The following EXOC4 variants were observed in gnomAD, a reference collection of about 807,000 sequenced individuals.
EXOC4 encodes SEC8-like 1.
Under a neutral mutation model 107.2 loss-of-function variants are expected in EXOC4, and 71 were observed. The observed-to-expected ratio is 0.66, with a 90% CI of 0.55 to 0.81. The LOEUF (loss-of-function observed/expected upper bound fraction) is 0.81. Ranked by LOEUF, EXOC4 falls within the 30% of genes least tolerant of loss-of-function variation. The pLI is 0.00. For synonymous variants in EXOC4, 456 were observed against 441.2 expected, an observed-to-expected ratio of 1.03 and a Z score of -0.42; for missense variants, 1,108 against 1,189.6, an observed-to-expected ratio of 0.93 and a Z score of 1.01.
At chr7:133,789,245 T>C (rs1796654026) in intron 10 of EXOC4, among the ~76,000 whole-genome samples, 1 of 152,208 alleles carries the variant, frequency 6.6e-6, no homozygotes, top group Admixed American at 6.5e-5. Context: ...TCCGGAAATG[T>C]GATGAAAGCC....
intron 13 of EXOC4, among the ~76,000 whole-genome samples, chr7:133,929,477 GA>G (rs10714515): frequency 0.62 from 93,762 of 150,484 alleles, 31,418 homozygotes; most frequent in African/African-American, 0.89. Context: ...TTCTATCCCA[GA>G]AAAAAAAAAT....
At chr7:133,732,303 G>A (rs909046728) in intron 10 of EXOC4, among the ~76,000 whole-genome samples, 1 of 152,158 alleles carries the variant, frequency 6.6e-6, no homozygotes, top group African/African-American at 2.4e-5. Flanking sequence ...GAGGGAGGGA[G>A]AGCATCAGGA....
chr7:133,684,796 G>C (rs893592747), intron 10 of EXOC4, among the ~76,000 whole-genome samples: 1 of 152,178 alleles, frequency 6.6e-6, no homozygotes, highest in Non-Finnish European at 1.5e-5. Flanking sequence ...TGGGGCATTT[G>C]TCAGCCTCAG....
chr7:133,861,912 T>G (rs547126987), intron 11 of EXOC4, among the ~76,000 whole-genome samples: 3 of 152,126 alleles, frequency 2.0e-5, no homozygotes, highest in African/African-American at 7.2e-5. Context: ...AAACACTGGT[T>G]TAGAGGACAG....
At chr7:133,487,118 A>G (rs933996177) in intron 9 of EXOC4, among the ~76,000 whole-genome samples, 3 of 152,186 alleles carry the variant, frequency 2.0e-5, no homozygotes, top group Admixed American at 1.3e-4. Flanking sequence ...CAAACCATGC[A>G]TAGCTGAACC....
At chr7:133,306,864 A>C (rs1794764717) in intron 4 of EXOC4, among the ~76,000 whole-genome samples, 1 of 152,214 alleles carries the variant, frequency 6.6e-6, no homozygotes. Context: ...GCATAGCCCT[A>C]TATTTAATGG....
intron 1 of EXOC4, chr7:133,254,031 G>A (rs1794954921): frequency 6.7e-6 from 1 of 149,878 alleles, no homozygotes; most frequent in Non-Finnish European, 1.5e-5. Context: ...ATTTCAACTC[G>A]TTTATTTTTC....
At chr7:133,678,605 CTT>C (rs879722356) in intron 10 of EXOC4, among the ~76,000 whole-genome samples, 105 of 145,700 alleles carry the variant, frequency 7.2e-4, no homozygotes, top group African/African-American at 2.5e-3. Flanking sequence ...CTCCCACCCT[CTT>C]TTTTTTTTTT....
intron 9 of EXOC4, among the ~76,000 whole-genome samples, chr7:133,559,522 T>A (rs1800768036): frequency 6.6e-6 from 1 of 152,212 alleles, no homozygotes; most frequent in South Asian, 2.1e-4. Context: ...TGAAATGCAC[T>A]GTGTTTCCCA....
chr7:133,263,674 G>A (rs1793638220), intron 1 of EXOC4, among the ~76,000 whole-genome samples: 1 of 151,834 alleles, frequency 6.6e-6, no homozygotes, highest in Admixed American at 6.6e-5. Context: ...CACCGTGCCT[G>A]GCCTATTTGA....
At position 133,301,880 on chromosome 7, in the gene EXOC4, T is replaced by G. The variant is rs1251706764; in HGVS notation, c.472-3997T>G. 2.0e-5 allele frequency among the ~76,000 whole-genome samples: 3 copies of G among 152,226 alleles called. No individual in the cohort carries two copies. The South Asian group carries it at 6.2e-4, about 31-fold the overall frequency. On this transcript the variant is annotated intron_variant, in intron 3 of 17. Coordinates refer to ENST00000253861, the MANE Select transcript of EXOC4 (RefSeq NM_021807.4). ...CCTCCAAAATATTTACAGTGGTTCA[T>G]GTCAGAACACAAAACTAGATCTTTT...
chr7:133,870,242 A>T lies in EXOC4; in HGVS notation c.1735-25357A>T, dbSNP rs114183395. ...TTAAAAACATTTTTTTCTCACACAC[A>T]TCTCCCTACCTCCATTTGTACTCAA... is the stretch of plus-strand genomic sequence containing the variant. On this transcript the variant is annotated intron_variant, in intron 11 of 17. Transcript: ENST00000253861. Among the ~76,000 whole-genome samples the T allele has an allele frequency of 2.4e-3, 366 of 152,284 alleles. 5 individuals carry two copies. The highest frequency in any genetic ancestry group is 8.2e-3 in the African/African-American group (342 of 41,562).
chr7:133,628,531 A>G (rs1802511070), intron 9 of EXOC4, among the ~76,000 whole-genome samples: 1 of 152,158 alleles, frequency 6.6e-6, no homozygotes, highest in South Asian at 2.1e-4. Context: ...AAAGGTGGAG[A>G]GAGGTCAGAG....
At chr7:133,330,367 G>A (rs912049301) in intron 5 of EXOC4, among the ~76,000 whole-genome samples, 1 of 151,948 alleles carries the variant, frequency 6.6e-6, no homozygotes, top group African/African-American at 2.4e-5. Context: ...TATGCTCCGT[G>A]GGGGTGGGAC....
intron 10 of EXOC4, among the ~76,000 whole-genome samples, chr7:133,775,303 T>C (rs919879845): frequency 6.6e-6 from 1 of 152,174 alleles, no homozygotes; most frequent in Non-Finnish European, 1.5e-5. Context: ...TTAGGCTTTG[T>C]CTCAGTTAGA....
At chr7:134,007,243 A>G (rs573859469) in intron 16 of EXOC4, among the ~76,000 whole-genome samples, 1 of 152,278 alleles carries the variant, frequency 6.6e-6, no homozygotes, top group South Asian at 2.1e-4. Flanking sequence ...TTTGAGCCCA[A>G]AGTGTCCTTC....
At chr7:133,759,026 C>G (rs1460260374) in intron 10 of EXOC4, among the ~76,000 whole-genome samples, 1 of 152,142 alleles carries the variant, frequency 6.6e-6, no homozygotes, top group Non-Finnish European at 1.5e-5. Context: ...ACAGAGTAGA[C>G]AGTTTTAAAT....
chr7:133,908,749 C>A (rs1181370136), intron 12 of EXOC4, among the ~76,000 whole-genome samples: 1 of 152,140 alleles, frequency 6.6e-6, no homozygotes, highest in Non-Finnish European at 1.5e-5. Flanking sequence ...ATTGTTGCTG[C>A]AATTGGTGTT....
chr7:133,275,200 C>T (rs904402081), intron 2 of EXOC4, 29 bp downstream of exon 2: 96 of 1,532,640 alleles, frequency 6.3e-5, no homozygotes, highest in Non-Finnish European at 8.1e-5. Flanking sequence ...CTGATGGTGG[C>T]AGCACTTCCC....
Sources: allele counts gnomAD v4.1 joint callset (sites outside exome capture counted in the v4.1 genomes callset), GRCh38; gene constraint gnomAD v4.1.1; transcripts MANE v1.5; gene names NCBI Gene and HGNC (gene_info 2026-07-23, HGNC 2026-07-21).